The following STAP1 variants were observed in gnomAD, a reference collection of about 807,000 sequenced individuals.
STAP1 encodes signal transducing adaptor family member 1.
STAP1 carries 30 observed loss-of-function variants against 37.8 expected under a neutral mutation model. The ratio of observed to expected loss-of-function variants is 0.79; its 90% CI spans 0.59 to 1.08. The LOEUF (loss-of-function observed/expected upper bound fraction) is 1.08. Among genes scored for constraint, STAP1 ranks in the 50% least tolerant of loss-of-function variants. The probability of loss-of-function intolerance (pLI) is 0.00; values close to 1 mark genes in which losing one functional copy is unlikely to be tolerated. For synonymous variants in STAP1, 130 were observed against 116.0 expected, an observed-to-expected ratio of 1.12 and a Z score of -0.78; for missense variants, 357 against 349.4, an observed-to-expected ratio of 1.02 and a Z score of -0.17.
chr4:67,581,166 T>C (rs542789586), intron 4 of STAP1, 139 bp from the exon 5 acceptor site: 1 of 758,650 alleles, frequency 1.3e-6, no homozygotes, highest in South Asian at 2.9e-5. Context: ...AAATCCTCTG[T>C]TTCTTATTCC....
chr4:67,562,065 T>G (rs1727352539), intron 1 of STAP1, among the ~76,000 whole-genome samples: 1 of 28,362 alleles, frequency 3.5e-5, no homozygotes, highest in African/African-American at 1.6e-4. Flanking sequence ...AGCGAGACTC[T>G]GTCAAAAAAA....
intron 6 of STAP1, among the ~76,000 whole-genome samples, chr4:67,584,479 G>A (rs865970454): frequency 3.9e-5 from 6 of 152,176 alleles, no homozygotes; most frequent in Admixed American, 6.5e-5. Flanking sequence ...GGTCTATAGA[G>A]TAAAATAAAG....
chr4:67,588,563 C>T (rs1423932729), intron 6 of STAP1, among the ~76,000 whole-genome samples: 2 of 152,072 alleles, frequency 1.3e-5, no homozygotes, highest in East Asian at 3.9e-4. Context: ...GTGCCCACCA[C>T]CACGCCCGGC....
chr4:67,601,167 T>C (rs1728334378), intron 8 of STAP1, among the ~76,000 whole-genome samples: 1 of 152,196 alleles, frequency 6.6e-6, no homozygotes, highest in South Asian at 2.1e-4. Context: ...CATTAAGTTT[T>C]CAAATAACAT....
At chr4:67,596,854 G>T (rs1240973866) in intron 8 of STAP1, among the ~76,000 whole-genome samples, 1 of 152,186 alleles carries the variant, frequency 6.6e-6, no homozygotes, top group Non-Finnish European at 1.5e-5. Flanking sequence ...TTTGAAATTG[G>T]AACTTATGTG....
At chr4:67,562,277 G>A (rs1357189079) in intron 1 of STAP1, among the ~76,000 whole-genome samples, 1 of 151,702 alleles carries the variant, frequency 6.6e-6, no homozygotes, top group Non-Finnish European at 1.5e-5. Flanking sequence ...GGGAGGCGGA[G>A]GTTGCAGTGA....
intron 7 of STAP1, among the ~76,000 whole-genome samples, chr4:67,592,936 G>A (rs1728151236): frequency 6.6e-6 from 1 of 152,106 alleles, no homozygotes; most frequent in South Asian, 2.1e-4. Flanking sequence ...TTCCCACCTG[G>A]ACTTCCCAAA....
intron 1 of STAP1, among the ~76,000 whole-genome samples, chr4:67,560,407 C>T (rs1028984049): frequency 6.6e-6 from 1 of 152,062 alleles, no homozygotes; most frequent in African/African-American, 2.4e-5. Context: ...TTATTGTGTG[C>T]CTCCTATGCA....
chr4:67,593,195 A>C (rs1244606782), intron 7 of STAP1, 65 bp from the exon 8 acceptor site: 4 of 1,123,242 alleles, frequency 3.6e-6, no homozygotes, highest in Non-Finnish European at 5.2e-6. Flanking sequence ...ATTCCAGTTG[A>C]GCCTTCTCTT....
chr4:67,590,905 C>A lies in STAP1; in HGVS notation c.681C>A (p.Tyr227Ter), dbSNP rs767290477. 6.2e-7 allele frequency: 1 copy of A among 1,612,398 alleles called. No individual in the cohort carries two copies. Among genetic ancestry groups the A allele is most frequent in the East Asian group, 2.2e-5 (1 of 44,758 alleles). ...GTAGCATTCCAAGAATCAAGCACTACAAAGTGATGAGCGTAGGACAAAACT... is the reference window on the plus strand; with the variant it reads ...GTAGCATTCCAAGAATCAAGCACTAAAAAGTGATGAGCGTAGGACAAAACT... ...QEIDIPRIKH[Y>*]KVMSVGQNYT... Residue 227 changes from tyrosine (Y) to a stop codon, truncating the protein, a stop_gained, in exon 7 of 9, where the codon TAC (tyrosine) becomes TAA (stop). Coordinates refer to ENST00000265404, the MANE Select transcript of STAP1 (RefSeq NM_012108.4). LOFTEE classifies it high-confidence loss of function.
At position 67,593,451 on chromosome 4, in the gene STAP1, C is replaced by G. The variant is rs1023359042; in HGVS notation, c.826+95C>G. On this transcript the variant is annotated intron_variant, in intron 8 of 8. Transcript: ENST00000265404. ...CATATGATTGATAGTACCAGCCAGG[C>G]AGGAACTGTAGTTCAGTCTTTAAAT... The G allele has an allele frequency of 3.2e-5, 27 of 851,642 alleles. No individual in the cohort carries two copies. In the East Asian group the frequency reaches 6.5e-4, roughly 21 times the overall value. The allele number at this position is 851,642 out of a possible 1,614,324, so 52.8% of individuals were successfully genotyped here. A position where few individuals can be genotyped will look rare whatever the true frequency, so the allele number is the denominator to read the frequency against.
intron 1 of STAP1, among the ~76,000 whole-genome samples, chr4:67,564,178 T>C (rs1403884781): frequency 6.6e-6 from 1 of 152,180 alleles, no homozygotes; most frequent in East Asian, 1.9e-4. Context: ...TCCTTAGGTT[T>C]GCAGCTGTGG....
At chr4:67,576,908 A>G (rs554664352) in intron 3 of STAP1, among the ~76,000 whole-genome samples, 1 of 152,344 alleles carries the variant, frequency 6.6e-6, no homozygotes, top group South Asian at 2.1e-4. Context: ...TTAACTGCTA[A>G]TGGAGAGAGT....
chr4:67,587,943 C>A (rs188712931), intron 6 of STAP1, among the ~76,000 whole-genome samples: 1 of 148,552 alleles, frequency 6.7e-6, no homozygotes, highest in Non-Finnish European at 1.5e-5. Context: ...AGGCTGGTCT[C>A]GAACTCCTGA....
rs60099631 is a variant in STAP1, at chr4:67,584,098, G to GAA, written c.659+413_659+414dup. On this transcript the variant is annotated intron_variant, in intron 6 of 8. Coordinates refer to ENST00000265404, the MANE Select transcript of STAP1 (RefSeq NM_012108.4). ...GGGTGACAGAGTGAGACTCGGTCTC[G>GAA]AAAAAAAAAAAAAAAAAAGAACACA... 3.3e-3 allele frequency among the ~76,000 whole-genome samples: 310 copies of GAA among 94,352 alleles called. 5 individuals carry two copies. The highest frequency in any genetic ancestry group is 0.011 in the Middle Eastern group (2 of 188). The allele number at this position is 94,352 out of a possible 152,430, so 61.9% of individuals were successfully genotyped here.
chr4:67,575,713 T>C lies in STAP1; in HGVS notation c.306+215T>C, dbSNP rs115822113. On this transcript the variant is annotated intron_variant, in intron 3 of 8. Transcript: ENST00000265404. ...ATACAAGCGCCACGAAACCAGATAC[T>C]CCTGCCCTCTGACAAAGTCAAGGAT... Among the ~76,000 whole-genome samples, 637 of 152,290 alleles carry C rather than the reference T, an allele frequency of 4.2e-3. 5 individuals are homozygous for C. Among genetic ancestry groups the C allele is most frequent in the African/African-American group, 0.015 (618 of 41,572 alleles).
intron 8 of STAP1, 70 bp from the exon 9 acceptor site, chr4:67,606,226 T>C: frequency 1.5e-6 from 2 of 1,340,838 alleles, no homozygotes; most frequent in East Asian, 2.4e-5. Flanking sequence ...ATCAACTCAC[T>C]GAAAATAAAG....
intron 4 of STAP1, among the ~76,000 whole-genome samples, chr4:67,581,040 G>A (rs558893947): frequency 4.6e-5 from 7 of 152,272 alleles, no homozygotes; most frequent in Admixed American, 2.6e-4. Context: ...AGTGCAAGGC[G>A]GGGTGTTCTT....
At chr4:67,605,727 CTGATAT>C (rs528809163) in intron 8 of STAP1, among the ~76,000 whole-genome samples, 2 of 152,068 alleles carry the variant, frequency 1.3e-5, no homozygotes, top group Non-Finnish European at 2.9e-5. Context: ...ACAAATAATG[CTGATAT>C]TTTAAGAAAA....
Sources: gnomAD v4.1 joint callset for allele counts (sites outside exome capture counted in the v4.1 genomes callset) on GRCh38, gnomAD v4.1.1 for gene constraint, MANE v1.5 for transcripts, NCBI Gene and HGNC (gene_info 2026-07-23, HGNC 2026-07-21) for gene names.